VAV1: variants seen among roughly 807,000 people sequenced by gnomAD.
VAV1 encodes the protein vav guanine nucleotide exchange factor 1.
Under a neutral mutation model 128.1 loss-of-function variants are expected in VAV1, and 33 were observed. The observed-to-expected ratio is 0.26, with a 90% CI of 0.20 to 0.34. The LOEUF is 0.34. Among genes scored for constraint, VAV1 ranks in the 10% least tolerant of loss-of-function variants. VAV1 has a pLI of 1.00. For missense variants in VAV1, 715 were observed against 1,093.7 expected, an observed-to-expected ratio of 0.65 and a Z score of 4.88; for synonymous variants, 394 against 409.8, an observed-to-expected ratio of 0.96 and a Z score of 0.47.
chr19:6,784,240 G>C (rs563840012), intron 1 of VAV1: 7 of 651,142 alleles, frequency 1.1e-5, no homozygotes, highest in South Asian at 1.7e-5. Flanking sequence ...CTGGACAAAA[G>C]AGTAAGACCC....
chr19:6,824,712 A>G (rs1358131777), intron 6 of VAV1, among the ~76,000 whole-genome samples: 3 of 151,814 alleles, frequency 2.0e-5, no homozygotes, highest in Non-Finnish European at 2.9e-5. Context: ...TTGTAGTTTT[A>G]GTAGAGACGG....
chr19:6,779,974 G>A (rs1399301734), intron 1 of VAV1, among the ~76,000 whole-genome samples: 2 of 149,104 alleles, frequency 1.3e-5, no homozygotes, highest in Non-Finnish European at 1.5e-5. Flanking sequence ...AGCCGGGCGT[G>A]GTTGCGGGCG....
In VAV1 at chr19:6,856,597, G is replaced by A. The variant is rs553143675; in HGVS notation, c.2485-457G>A. ...AAATTAGCCGGGTGTGGTGGCAGGC[G>A]CCTGTAATCCCAGCTACTCGGGATG... is the stretch of plus-strand genomic sequence containing the variant. On this transcript the variant is annotated intron_variant, in intron 26 of 26. Transcript: ENST00000602142. 4.4e-4 allele frequency among the ~76,000 whole-genome samples: 66 copies of A among 151,548 alleles called. 1 individual carries two copies. The highest frequency in any genetic ancestry group is 2.6e-3 in the Admixed American group (40 of 15,196).
rs551261600 is a variant in VAV1, at chr19:6,817,877, G to A, written c.205-2825G>A. Among the ~76,000 whole-genome samples, 6 of 152,152 alleles carry A rather than the reference G, an allele frequency of 3.9e-5. No homozygotes were observed. In the East Asian group the frequency reaches 5.8e-4, roughly 15 times the overall value. The stretch of plus-strand genomic sequence containing the variant: ...AATTTTTTGTGTTTTTAGTAGAGAC[G>A]GGATTTCACCGTGTTAGCCAGGATG... On this transcript the variant is annotated intron_variant, in intron 1 of 26. Transcript: ENST00000602142.
At chr19:6,838,392 TATCCATCC>T (rs60060059) in intron 21 of VAV1, among the ~76,000 whole-genome samples, 9,182 of 146,140 alleles carry the variant, frequency 0.063, 340 homozygotes, top group Middle Eastern at 0.15. Flanking sequence ...TCAGTTCTTC[TATCCATCC>T]ATCCATCCAT....
At chr19:6,827,004 G>T in intron 9 of VAV1, 1 of 385,552 alleles carries the variant, frequency 2.6e-6, no homozygotes, top group Non-Finnish European at 4.8e-6. Context: ...AGCACTGATT[G>T]TACCCCAAGT....
chr19:6,795,137 G>C (rs1447307788), intron 1 of VAV1, among the ~76,000 whole-genome samples: 1 of 152,088 alleles, frequency 6.6e-6, no homozygotes, highest in Non-Finnish European at 1.5e-5. Flanking sequence ...GTCACTTACA[G>C]CAGTTTTCGT....
In VAV1 at chr19:6,822,168, C is replaced by G. The variant is rs1971806643; in HGVS notation, c.450-53C>G. ...AGCCCTGCGCTGGGGTCTGCGGGGACCCTGCTGTGATCTGGGAGAGGTCCA... is the reference window on the plus strand; with the variant it reads ...AGCCCTGCGCTGGGGTCTGCGGGGAGCCTGCTGTGATCTGGGAGAGGTCCA... On this transcript the variant is annotated intron_variant, in intron 4 of 26. Transcript: ENST00000602142. This position sits in a 1 kb window ranked among gnomAD's most constrained non-coding sequence, Gnocchi z 5.9. 6.6e-7 allele frequency: 1 copy of G among 1,521,140 alleles called. No individual in the cohort carries two copies. Among genetic ancestry groups the G allele is most frequent in the Non-Finnish European group, 8.9e-7 (1 of 1,120,200 alleles). 94.2% of individuals were successfully genotyped at this position (1,521,140 alleles called of 1,614,324 possible). A position where few individuals can be genotyped will look rare whatever the true frequency, so the allele number is the denominator to read the frequency against.
At chr19:6,814,681 T>C (rs987228965) in intron 1 of VAV1, among the ~76,000 whole-genome samples, 29 of 110,880 alleles carry the variant, frequency 2.6e-4, no homozygotes, top group Middle Eastern at 3.8e-3. Context: ...CCTTTCTTTC[T>C]TTCTTTCTTT....
intron 1 of VAV1, among the ~76,000 whole-genome samples, chr19:6,788,536 C>A (rs145180682): frequency 5.3e-5 from 8 of 152,020 alleles, no homozygotes; most frequent in Non-Finnish European, 8.8e-5. Context: ...GCCACCACAC[C>A]TGGCTAATTT....
intron 1 of VAV1, among the ~76,000 whole-genome samples, chr19:6,781,073 A>AT (rs1437447910): frequency 6.8e-6 from 1 of 147,686 alleles, no homozygotes; most frequent in East Asian, 2.1e-4. Context: ...CAAGCCCACC[A>AT]TTTTTTAAAG....
intron 1 of VAV1, among the ~76,000 whole-genome samples, chr19:6,814,698 T>TTCTTTCTTTCTTTCTTTCTC: frequency 1.1e-4 from 14 of 131,354 alleles, no homozygotes; most frequent in African/African-American, 3.9e-4. Context: ...CTTTCTTTCT[T>TTCTTTCTTTCTTTCTTTCTC]TCTTTCTTTC....
At chr19:6,802,687 A>G (rs1971301744) in intron 1 of VAV1, among the ~76,000 whole-genome samples, 1 of 152,100 alleles carries the variant, frequency 6.6e-6, no homozygotes, top group African/African-American at 2.4e-5. Context: ...ACTCTCTAAG[A>G]GGCACCAGGA....
chr19:6,856,875 G>GGTGT lies in VAV1; in HGVS notation c.2485-161_2485-158dup, dbSNP rs138906534. On this transcript the variant is annotated intron_variant, in intron 26 of 26. Coordinates refer to ENST00000602142, the MANE Select transcript of VAV1 (RefSeq NM_005428.4). ...AGGGAGGGACTTTTAGGAGGTAATG[G>GGTGT]GTGTGTGTGTGTGTGTGTGTGGTCA... Among the ~76,000 whole-genome samples, 567 of 149,198 alleles carry GGTGT rather than the reference G, an allele frequency of 3.8e-3. 5 individuals are homozygous for GGTGT. Among genetic ancestry groups the GGTGT allele is most frequent in the African/African-American group, 0.013 (547 of 40,768 alleles).
intron 1 of VAV1, among the ~76,000 whole-genome samples, chr19:6,811,375 A>G (rs192605392): frequency 6.6e-6 from 1 of 152,126 alleles, no homozygotes; most frequent in African/African-American, 2.4e-5. Context: ...GCACTATTGC[A>G]TGCCACCATG....
chr19:6,856,770 G>C (rs532773909), intron 26 of VAV1, among the ~76,000 whole-genome samples: 1 of 151,766 alleles, frequency 6.6e-6, no homozygotes, highest in East Asian at 1.9e-4. Flanking sequence ...AAAGAAAAGG[G>C]GCTAAGGAGT....
chr19:6,780,685 C>T (rs1970750963), intron 1 of VAV1, among the ~76,000 whole-genome samples: 1 of 149,026 alleles, frequency 6.7e-6, no homozygotes, highest in Non-Finnish European at 1.5e-5. Flanking sequence ...GATTCTCCTG[C>T]CTCAGCCTCC....
At chr19:6,853,207 C>T in intron 25 of VAV1, 128 bp downstream of exon 25, 1 of 428,036 alleles carries the variant, frequency 2.3e-6, no homozygotes, top group Non-Finnish European at 4.3e-6. Flanking sequence ...AGCAGGAACC[C>T]CTTTCCACTC....
intron 1 of VAV1, among the ~76,000 whole-genome samples, chr19:6,813,230 CT>C (rs1971550058): frequency 6.6e-6 from 1 of 152,232 alleles, no homozygotes; most frequent in South Asian, 2.1e-4. Flanking sequence ...GGAGGGTCTA[CT>C]TCCTGAGTGG....
Sources: allele counts gnomAD v4.1 joint callset (sites outside exome capture counted in the v4.1 genomes callset), GRCh38; gene constraint gnomAD v4.1.1; non-coding constraint Gnocchi (gnomAD v3.1); transcripts MANE v1.5; gene names NCBI Gene and HGNC (gene_info 2026-07-23, HGNC 2026-07-21).